ABCC12: variants seen among roughly 807,000 people sequenced by gnomAD.
ABCC12 encodes the protein ATP-binding cassette sub-family C member 12.
Under a neutral mutation model 151.1 loss-of-function variants are expected in ABCC12, and 142 were observed. The observed-to-expected ratio is 0.94, with a 90% CI of 0.82 to 1.08. The LOEUF is 1.08. Among genes scored for constraint, ABCC12 ranks in the 50% least tolerant of loss-of-function variants. The pLI is 0.00. For missense variants in ABCC12, 1,638 were observed against 1,691.1 expected (o/e 0.97, Z 0.55); for synonymous variants, 645 against 646.4 (o/e 1.00, Z 0.03).
At chr16:48,132,769 A>C (rs1294818681) in intron 9 of ABCC12, among the ~76,000 whole-genome samples, 1 of 152,184 alleles carries the variant, frequency 6.6e-6, no homozygotes, top group Non-Finnish European at 1.5e-5. Flanking sequence ...AATAGCTGAC[A>C]CTTGTATAGG....
chr16:48,103,721 G>GT (rs1431736857), intron 22 of ABCC12, among the ~76,000 whole-genome samples: 7 of 152,198 alleles, frequency 4.6e-5, no homozygotes, highest in Non-Finnish European at 1.0e-4. Flanking sequence ...CTGTCCTCCT[G>GT]CTTTCCCCCA....
chr16:48,122,746 T>C (rs1175931796), intron 12 of ABCC12, among the ~76,000 whole-genome samples: 2 of 152,306 alleles, frequency 1.3e-5, no homozygotes, highest in Non-Finnish European at 2.9e-5. Context: ...ACAATAATAA[T>C]TGTAGTATTT....
chr16:48,104,070 G>A (rs1358549650), intron 22 of ABCC12, 72 bp downstream of exon 22: 16 of 1,476,682 alleles, frequency 1.1e-5, no homozygotes, highest in Non-Finnish European at 1.1e-5. Context: ...AGCACTCCAT[G>A]CTCAATATCA....
intron 2 of ABCC12, 34 bp from the exon 3 acceptor site, chr16:48,146,508 G>T (rs1965009237): frequency 1.8e-6 from 2 of 1,114,152 alleles, no homozygotes; most frequent in Admixed American, 3.5e-5. Flanking sequence ...TTATTGAGAG[G>T]TGAGGATGTC....
intron 15 of ABCC12, among the ~76,000 whole-genome samples, chr16:48,112,889 CA>C (rs1184894687): frequency 2.0e-5 from 3 of 152,124 alleles, no homozygotes; most frequent in Admixed American, 6.5e-5. Context: ...TTGCCCAAAG[CA>C]CTTCTGTTTT....
chr16:48,132,271 T>C (rs1964453353), intron 9 of ABCC12, among the ~76,000 whole-genome samples: 1 of 152,198 alleles, frequency 6.6e-6, no homozygotes, highest in South Asian at 2.1e-4. Context: ...ACAGCTGGGC[T>C]GAAGGCCCTA....
At chr16:48,089,942 A>C (rs1962808172) in intron 25 of ABCC12, among the ~76,000 whole-genome samples, 1 of 151,920 alleles carries the variant, frequency 6.6e-6, no homozygotes, top group Non-Finnish European at 1.5e-5. Context: ...TAATTAATTA[A>C]ATTTGTACAA....
At chr16:48,100,057 T>G (rs1298603979) in intron 23 of ABCC12, among the ~76,000 whole-genome samples, 1 of 151,926 alleles carries the variant, frequency 6.6e-6, no homozygotes, top group African/African-American at 2.4e-5. Flanking sequence ...CCTCCCAGGT[T>G]CAAGTGATTC....
At chr16:48,147,080 A>C (rs542135020) in intron 2 of ABCC12, among the ~76,000 whole-genome samples, 6 of 152,082 alleles carry the variant, frequency 3.9e-5, no homozygotes, top group South Asian at 4.1e-4. Context: ...AACTTCAACA[A>C]CACCACCCCT....
At chr16:48,096,474 T>G (rs1224894733) in intron 24 of ABCC12, among the ~76,000 whole-genome samples, 1 of 152,364 alleles carries the variant, frequency 6.6e-6, no homozygotes, top group Non-Finnish European at 1.5e-5. Context: ...AAATGCTTTC[T>G]TTCTGCTTCC....
chr16:48,114,491 C>G (rs533225144), intron 15 of ABCC12, among the ~76,000 whole-genome samples: 1 of 152,308 alleles, frequency 6.6e-6, no homozygotes, highest in African/African-American at 2.4e-5. Flanking sequence ...GTAACATGTT[C>G]TCTGCAGGTA....
chr16:48,143,785 TC>T, intron 4 of ABCC12, 124 bp downstream of exon 4: 2 of 1,267,898 alleles, frequency 1.6e-6, no homozygotes, highest in South Asian at 1.6e-5. Flanking sequence ...TTGTGAGGCC[TC>T]CCCAGTCACA....
chr16:48,138,093 C>A (rs566113602), intron 8 of ABCC12, 135 bp downstream of exon 8: 35 of 903,840 alleles, frequency 3.9e-5, no homozygotes, highest in East Asian at 2.9e-4. Context: ...TTGAAAAATT[C>A]TTTGACCTGC....
chr16:48,135,617 C>G (rs768591863), intron 8 of ABCC12, among the ~76,000 whole-genome samples: 2 of 152,036 alleles, frequency 1.3e-5, no homozygotes, highest in Non-Finnish European at 2.9e-5. Flanking sequence ...AATATTTAGG[C>G]TCAAGCAATC....
intron 29 of ABCC12, 95 bp downstream of exon 29, chr16:48,085,498 T>C (rs1467565099): frequency 9.6e-6 from 10 of 1,046,836 alleles, no homozygotes; most frequent in Non-Finnish European, 1.3e-5. Context: ...GCTGTCTCTT[T>C]GCTGAAAGAC....
At chr16:48,093,641 CA>C (rs1962991227) in intron 24 of ABCC12, among the ~76,000 whole-genome samples, 2 of 152,234 alleles carry the variant, frequency 1.3e-5, no homozygotes, top group Admixed American at 1.3e-4. Context: ...ATTCCACAGC[CA>C]CTAGCACAGT....
At chr16:48,100,637 A>G (rs773618715) in intron 23 of ABCC12, among the ~76,000 whole-genome samples, 1 of 152,240 alleles carries the variant, frequency 6.6e-6, no homozygotes, top group South Asian at 2.1e-4. Flanking sequence ...TAGAATGAAA[A>G]ATAGAACAAA....
At chr16:48,139,462 G>A in intron 6 of ABCC12, 126 bp from the exon 7 acceptor site, 1 of 984,438 alleles carries the variant, frequency 1.0e-6, no homozygotes, top group Non-Finnish European at 1.5e-6. Flanking sequence ...AAGCAGGAAG[G>A]GGTCACCGGG....
chr16:48,145,516 T>A (rs1964967870), intron 3 of ABCC12, among the ~76,000 whole-genome samples: 1 of 152,202 alleles, frequency 6.6e-6, no homozygotes, highest in Non-Finnish European at 1.5e-5. Context: ...CATCAAAAAG[T>A]CGAGTCTGTT....
Sources: gnomAD v4.1 joint callset for allele counts (sites outside exome capture counted in the v4.1 genomes callset) on GRCh38, gnomAD v4.1.1 for gene constraint, MANE v1.5 for transcripts, NCBI Gene and HGNC (gene_info 2026-07-23, HGNC 2026-07-21) for gene names.